Variants in RNF144A observed in about 807,000 individuals in gnomAD.
The protein encoded by RNF144A is ring finger protein 144A, also known as E3 ubiquitin-protein ligase RNF144A.
In RNF144A, 11 loss-of-function variants were observed where a neutral mutation model predicts 38.7. That is an observed-to-expected ratio of 0.28 (90% CI 0.18 to 0.47). The LOEUF (loss-of-function observed/expected upper bound fraction) is 0.47, where lower values mean the gene tolerates loss of function less well. Among genes scored for constraint, RNF144A ranks in the 20% least tolerant of loss-of-function variants. The pLI is 0.99. For synonymous variants in RNF144A, 149 were observed against 143.9 expected, an observed-to-expected ratio of 1.04 and a Z score of -0.25; for missense variants, 316 against 377.2, an observed-to-expected ratio of 0.84 and a Z score of 1.34.
At chr2:7,019,894 C>A (rs1442910610) in intron 5 of RNF144A, among the ~76,000 whole-genome samples, 2 of 152,172 alleles carry the variant, frequency 1.3e-5, no homozygotes, top group African/African-American at 2.4e-5. Context: ...GTAGTTAACT[C>A]GTGGCTTGGA....
rs1553342990 is a variant in RNF144A, at chr2:7,016,119, A to AG, written c.301+1347_301+1348insG. Among the ~76,000 whole-genome samples the AG allele has an allele frequency of 9.5e-4, 144 of 151,154 alleles. 4 individuals are homozygous for AG. In the South Asian group the frequency reaches 0.017, roughly 18 times the overall value. Reference sequence around the variant, plus strand: ...ACCCCGTCTCTAAAAAAAAAAAAAAAAAAGAAAGAAAAAGAAAAAAATATG... The same window carrying AG: ...ACCCCGTCTCTAAAAAAAAAAAAAAAGAAAGAAAGAAAAAGAAAAAAATATG... On this transcript the variant is annotated intron_variant, in intron 5 of 8. Coordinates refer to ENST00000320892, the MANE Select transcript of RNF144A (RefSeq NM_014746.6).
intron 6 of RNF144A, among the ~76,000 whole-genome samples, chr2:7,061,303 T>C (rs533646093): frequency 2.6e-5 from 4 of 152,344 alleles, no homozygotes; most frequent in African/African-American, 9.6e-5. Context: ...TGACTTCCAA[T>C]GTCAGCACAG....
At chr2:6,919,809 A>T (rs192587771) in intron 1 of RNF144A, among the ~76,000 whole-genome samples, 2 of 152,348 alleles carry the variant, frequency 1.3e-5, no homozygotes, top group African/African-American at 4.8e-5. Context: ...CCCGATTCTA[A>T]TGTCAGCAAC....
chr2:6,964,910 T>C (rs1477450942), intron 2 of RNF144A, among the ~76,000 whole-genome samples: 1 of 152,058 alleles, frequency 6.6e-6, no homozygotes, highest in Non-Finnish European at 1.5e-5. Flanking sequence ...ATGGAACATG[T>C]ATACATATGT....
Position 7,040,485 on chromosome 2 carries a change from T to G in RNF144A, c.*725T>G. 3.0e-6 allele frequency: 3 copies of G among 985,410 alleles called. No individual in the cohort carries two copies. Among genetic ancestry groups the G allele is most frequent in the Non-Finnish European group, 3.6e-6 (3 of 829,882 alleles). 61.0% of individuals were successfully genotyped at this position (985,410 alleles called of 1,614,324 possible). The stretch of plus-strand genomic sequence containing the variant: ...TATTGTTGCATTTCCTTGATAATAT[T>G]GACGTGTTTAAAGGAACATCTCATC... On this transcript the variant is annotated 3_prime_UTR_variant, in exon 9 of 9. Transcript: ENST00000320892.
At chr2:7,066,150 G>C (rs914210251) in intron 6 of RNF144A, among the ~76,000 whole-genome samples, 1 of 151,526 alleles carries the variant, frequency 6.6e-6, no homozygotes, top group Admixed American at 6.6e-5. Flanking sequence ...TTCAGTGGCC[G>C]GATCTCGGCT....
intron 6 of RNF144A, among the ~76,000 whole-genome samples, chr2:7,052,838 A>AACACACACAC (rs10670138): frequency 0.09 from 13,556 of 149,988 alleles, 576 homozygotes; most frequent in African/African-American, 0.095. Flanking sequence ...CCCCCTTTCC[A>AACACACACAC]ACACACACAC....
chr2:6,929,848 G>C (rs1294056628), intron 1 of RNF144A, among the ~76,000 whole-genome samples: 1 of 152,170 alleles, frequency 6.6e-6, no homozygotes, highest in Non-Finnish European at 1.5e-5. Flanking sequence ...GCATGGAATT[G>C]TTATTTAAAA....
chr2:7,064,901 C>T (rs1020325353), intron 6 of RNF144A, among the ~76,000 whole-genome samples: 17 of 152,318 alleles, frequency 1.1e-4, no homozygotes, highest in African/African-American at 4.1e-4. Context: ...GGCAGAACCC[C>T]TTCAAGTCAC....
At chr2:6,986,017 C>T (rs931712126) in intron 2 of RNF144A, among the ~76,000 whole-genome samples, 7 of 152,170 alleles carry the variant, frequency 4.6e-5, no homozygotes, top group Admixed American at 3.9e-4. Context: ...GATTGGTTCT[C>T]CTACCTGTGT....
chr2:7,041,468 G>A lies in RNF144A; in HGVS notation c.*1708G>A, dbSNP rs1673039144. ...CATTCAAAAAGCTCTCCTTGTAATT[G>A]CAAGTTTAGTAACTCAGTAAGAACA... On this transcript the variant is annotated 3_prime_UTR_variant, in exon 9 of 9. Transcript: ENST00000320892. 2 of 985,924 alleles carry A rather than the reference G, an allele frequency of 2.0e-6. No homozygotes were observed. Among genetic ancestry groups the A allele is most frequent in the South Asian group, 9.4e-5 (2 of 21,286 alleles). 61.1% of individuals were successfully genotyped at this position (985,924 alleles called of 1,614,324 possible).
chr2:6,993,403 C>A (rs560291302), intron 2 of RNF144A, among the ~76,000 whole-genome samples: 14 of 152,234 alleles, frequency 9.2e-5, no homozygotes, highest in African/African-American at 2.9e-4. Context: ...ACAGATGGAA[C>A]CCTGTACGCT....
At chr2:6,918,653 ACTCGGGAGG>A (rs1356089851) in intron 1 of RNF144A, 2 of 148,040 alleles carry the variant, frequency 1.4e-5, no homozygotes, top group Non-Finnish European at 3.0e-5. Flanking sequence ...AGTCCCAGCT[ACTCGGGAGG>A]CTGAGGCAGG....
chr2:7,036,082 C>T (rs903629185), intron 8 of RNF144A, among the ~76,000 whole-genome samples: 5 of 152,186 alleles, frequency 3.3e-5, no homozygotes, highest in Non-Finnish European at 7.4e-5. Flanking sequence ...GTGAGCCGCA[C>T]CTGTGCCCTG....
intron 8 of RNF144A, among the ~76,000 whole-genome samples, chr2:7,035,862 G>T (rs943474369): frequency 1.5e-4 from 23 of 152,206 alleles, no homozygotes; most frequent in Non-Finnish European, 1.9e-4. Flanking sequence ...GGAAAACAGT[G>T]CTGTAAAGGA....
chr2:7,074,242 A>C, the RNF144A span, among the ~76,000 whole-genome samples: 2 of 151,934 alleles, frequency 1.3e-5, no homozygotes, highest in Non-Finnish European at 2.9e-5. Flanking sequence ...CTCTCATAAC[A>C]CTTACCACCA....
At chr2:6,933,017 A>C (rs749245886) in intron 1 of RNF144A, 1 of 152,278 alleles carries the variant, frequency 6.6e-6, no homozygotes, top group Non-Finnish European at 1.5e-5. Context: ...ACCTCTATTC[A>C]TAGTAAAGTC....
At chr2:7,019,424 C>A (rs1457047566) in intron 5 of RNF144A, among the ~76,000 whole-genome samples, 1 of 152,172 alleles carries the variant, frequency 6.6e-6, no homozygotes, top group Non-Finnish European at 1.5e-5. Flanking sequence ...CGGGAGCTGC[C>A]CGGCGGCCAG....
At chr2:7,068,633 A>C (rs1674334462), downstream of RNF144A, among the ~76,000 whole-genome samples, 1 of 152,254 alleles carries the variant, frequency 6.6e-6, no homozygotes, top group Non-Finnish European at 1.5e-5. Flanking sequence ...TGAAGATGCC[A>C]GCCCAAGGGC....
Sources: allele counts gnomAD v4.1 joint callset (sites outside exome capture counted in the v4.1 genomes callset), GRCh38; gene constraint gnomAD v4.1.1; transcripts MANE v1.5; gene names NCBI Gene and HGNC (gene_info 2026-07-23, HGNC 2026-07-21).